The following PLEKHH3 variants were observed in gnomAD, a reference collection of about 807,000 sequenced individuals.
The protein encoded by PLEKHH3 is pleckstrin homology domain-containing family H member 3.
A neutral mutation model predicts 77.8 loss-of-function variants in PLEKHH3; 57 were observed. The observed-to-expected ratio is 0.73, with a 90% CI of 0.59 to 0.91. PLEKHH3 has a LOEUF of 0.91. Among genes scored for constraint, PLEKHH3 ranks in the 40% least tolerant of loss-of-function variants. The probability of loss-of-function intolerance (pLI) is 0.00; values close to 1 mark genes in which losing one functional copy is unlikely to be tolerated. For synonymous variants in PLEKHH3, 467 were observed against 504.8 expected, an observed-to-expected ratio of 0.93 and a Z score of 1.00; for missense variants, 1,082 against 1,091.2, an observed-to-expected ratio of 0.99 and a Z score of 0.12.
In PLEKHH3 at chr17:42,671,582, TC is replaced by T. The variant is rs767540563; in HGVS notation, c.1077-25del. ...TCCTGGGTTAGGAGGAACCCAGGGA[TC>T]AATACTCCAAGGGCTTTCTTCTCCC... On this transcript the variant is annotated intron_variant, in intron 7 of 12. Transcript: ENST00000591022. The surrounding 1 kb of genome is among the most constrained non-coding windows in gnomAD (Gnocchi z 4.7). 1.1e-5 allele frequency: 18 copies of T among 1,588,596 alleles called. 1 individual carries two copies. In the South Asian group the frequency reaches 2.0e-4, roughly 18 times the overall value.
Position 42,670,341 on chromosome 17 carries a change from T to TG in PLEKHH3, c.1589dup (p.Pro531ThrfsTer114). 7.2e-7 allele frequency: 1 copy of TG among 1,389,314 alleles called. No individual in the cohort carries two copies. The highest frequency in any genetic ancestry group is 9.3e-7 in the Non-Finnish European group (1 of 1,079,314). The allele number at this position is 1,389,314 out of a possible 1,614,324, so 86.1% of individuals were successfully genotyped here. ...CCAGGGCGCGCAGCGTGTCGTCGGG[T>TG]GGGGGCGGCCGGCCCCGCAGCAGCA... On this transcript the variant is annotated frameshift_variant, in exon 11 of 13. Transcript: ENST00000591022. LOFTEE classifies it high-confidence loss of function.
At chr17:42,673,890 G>T (rs936681163) in intron 3 of PLEKHH3, 44 bp downstream of exon 3, 4 of 1,608,910 alleles carry the variant, frequency 2.5e-6, no homozygotes, top group Admixed American at 1.7e-5. Context: ...TCCCTAGGGG[G>T]TTGGGATTGG....
At position 42,672,483 on chromosome 17, in the gene PLEKHH3, G is replaced by A. The variant is rs946694549; in HGVS notation, c.770-91C>T. The A allele has an allele frequency of 6.8e-6, 8 of 1,169,240 alleles. No homozygotes were observed. In the African/African-American group the frequency reaches 1.2e-4, roughly 18 times the overall value. 72.4% of individuals were successfully genotyped at this position (1,169,240 alleles called of 1,614,324 possible). A position where few individuals can be genotyped will look rare whatever the true frequency, so the allele number is the denominator to read the frequency against. On this transcript the variant is annotated intron_variant, in intron 6 of 12. Transcript: ENST00000591022. ...GGCATGAACCAGGGGAAGGTCAGAGGGAATATAAGGGGATGGGGTGGCAGG... is the reference window on the plus strand; with the variant it reads ...GGCATGAACCAGGGGAAGGTCAGAGAGAATATAAGGGGATGGGGTGGCAGG...
At position 42,669,834 on chromosome 17, in the gene PLEKHH3, G is replaced by T. The variant is rs537969744; in HGVS notation, c.2013+84C>A. The T allele has an allele frequency of 1.3e-5, 20 of 1,568,458 alleles. No individual in the cohort carries two copies. The African/African-American group carries it at 2.0e-4, about 16-fold the overall frequency. ...AGCTGTTCTGGATGTGGGGAATTAC[G>T]TGACACTCCGTGGGACCTGTGGCTC... On this transcript the variant is annotated intron_variant, in intron 11 of 12. Transcript: ENST00000591022.
Position 42,676,040 on chromosome 17 carries a change from G to C in PLEKHH3, c.162+362C>G. 1 of 1,119,282 alleles carries C rather than the reference G, an allele frequency of 8.9e-7. No individual in the cohort carries two copies. The highest frequency in any genetic ancestry group is 1.1e-6 in the Non-Finnish European group (1 of 914,620). 69.3% of individuals were successfully genotyped at this position (1,119,282 alleles called of 1,614,324 possible). A position where few individuals can be genotyped will look rare whatever the true frequency, so the allele number is the denominator to read the frequency against. ...AGCGGAGGGGGACCCAGGCGTTCGA[G>C]CCGCCCAGCCGGCCTCGCCACATTC... On this transcript the variant is annotated intron_variant, in intron 1 of 12. Transcript: ENST00000591022. The surrounding 1 kb of genome is among the most constrained non-coding windows in gnomAD (Gnocchi z 6.6).
At chr17:42,669,716 C>T in intron 11 of PLEKHH3, 95 bp from the exon 12 acceptor site, 3 of 1,462,458 alleles carry the variant, frequency 2.1e-6, no homozygotes, top group South Asian at 2.6e-5. Context: ...GTATCCTGAT[C>T]CCCCTATGAT....
rs766451553 is a variant in PLEKHH3, at chr17:42,671,501, T to C, written c.1134A>G (p.Lys378=). Reference sequence around the variant, plus strand: ...CTCTGCCGCGCGTCCGGCCCAGCGCTTTCCGGATGAAGCGCGCATATTCCG... The same window carrying C: ...CTCTGCCGCGCGTCCGGCCCAGCGCCTTCCGGATGAAGCGCGCATATTCCG... ...ELAEYARFIR[K]ALGRTRGREL... The change falls in exon 8 of 13, where the codon AAA becomes AAG. Residue 378 remains lysine (K), a synonymous_variant. Coordinates refer to ENST00000591022, the MANE Select transcript of PLEKHH3 (RefSeq NM_024927.5). This position sits in a 1 kb window ranked among gnomAD's most constrained non-coding sequence, Gnocchi z 4.7. The C allele has an allele frequency of 1.2e-6, 2 of 1,613,064 alleles. No homozygotes were observed. The highest frequency in any genetic ancestry group is 1.7e-5 in the Admixed American group (1 of 59,988).
At position 42,673,273 on chromosome 17, in the gene PLEKHH3, G is replaced by A. The variant is rs372844718; in HGVS notation, c.672C>T (p.Ala224=). The change falls in exon 6 of 13, where the codon GCC becomes GCT. Residue 224 remains alanine (A), a synonymous_variant. Coordinates refer to ENST00000591022, the MANE Select transcript of PLEKHH3 (RefSeq NM_024927.5). ...GGTTCCTCAGGTAAATGAGGGCAAC[G>A]GCCTCTGGGTCCCCGCAACTTTCCT... ...DIQESCGDPE[A]VALIYLRNPI... is the part of the protein sequence containing the mutation. 3 of 1,597,772 alleles carry A rather than the reference G, an allele frequency of 1.9e-6. No individual in the cohort carries two copies. The highest frequency in any genetic ancestry group is 1.1e-5 in the South Asian group (1 of 88,852).
In PLEKHH3 at chr17:42,670,561, G is replaced by A. The variant is rs1162422945; in HGVS notation, c.1554+12C>T. Reference sequence around the variant, plus strand: ...GGGTCTGTTTGGAGGCGTGAACGCCGGAGAGCCTCACCTGCTCAAAGAGGA... The same window carrying A: ...GGGTCTGTTTGGAGGCGTGAACGCCAGAGAGCCTCACCTGCTCAAAGAGGA... On this transcript the variant is annotated intron_variant, in intron 10 of 12. Transcript: ENST00000591022. The A allele has an allele frequency of 1.2e-6, 2 of 1,601,404 alleles. No individual in the cohort carries two copies. The highest frequency in any genetic ancestry group is 1.3e-5 in the African/African-American group (1 of 74,702).
Position 42,668,312 on chromosome 17 carries a change from G to C in PLEKHH3, c.2206-9C>G. 1 of 1,529,014 alleles carries C rather than the reference G, an allele frequency of 6.5e-7. No individual in the cohort carries two copies. Among genetic ancestry groups the C allele is most frequent in the Non-Finnish European group, 8.7e-7 (1 of 1,148,238 alleles). 94.7% of individuals were successfully genotyped at this position (1,529,014 alleles called of 1,614,324 possible). On this transcript the variant is annotated splice_polypyrimidine_tract_variant and intron_variant, in intron 12 of 12. Transcript: ENST00000591022. ...TGCATGATCTCTTCCACCTAAGAGA[G>C]GGCAGAGGTCAGTGTGCAACAGGGG...
intron 1 of PLEKHH3, 41 bp from the exon 2 acceptor site, chr17:42,674,450 T>C (rs1339997912): frequency 1.3e-6 from 2 of 1,532,602 alleles, no homozygotes; most frequent in Non-Finnish European, 1.8e-6. Context: ...TCAGAGCCCT[T>C]CCTGCGCAAG....
rs529935354 is a variant in PLEKHH3 at position 42,671,663 on chromosome 17, C to A, written c.1077-105G>T. 89 of 1,216,890 alleles carry A rather than the reference C, an allele frequency of 7.3e-5. No individual in the cohort carries two copies. Among genetic ancestry groups the A allele is most frequent in the Admixed American group, 1.7e-4 (7 of 40,046 alleles). The allele number at this position is 1,216,890 out of a possible 1,614,324, so 75.4% of individuals were successfully genotyped here. On this transcript the variant is annotated intron_variant, in intron 7 of 12. Transcript: ENST00000591022. The surrounding 1 kb of genome is among the most constrained non-coding windows in gnomAD (Gnocchi z 4.7). ...TATTTTATCTAGCCGATTTCCTCCC[C>A]GCCCCAACTCAAGTTCTTTGAAGGC...
intron 2 of PLEKHH3, 105 bp from the exon 3 acceptor site, chr17:42,674,118 C>A: frequency 7.8e-7 from 1 of 1,278,666 alleles, no homozygotes; most frequent in Non-Finnish European, 1.1e-6. Context: ...GCTGGGCACC[C>A]CTCCCCCAGG....
chr17:42,669,988 G>A lies in PLEKHH3; in HGVS notation c.1943C>T (p.Ala648Val). 6.2e-7 allele frequency: 1 copy of A among 1,610,040 alleles called. No homozygotes were observed. The highest frequency in any genetic ancestry group is 8.5e-7 in the Non-Finnish European group (1 of 1,179,138). The change falls in exon 11 of 13, where the codon GCC (alanine) becomes GTC (valine). Residue 648 changes from alanine (A) to valine (V), a missense_variant. Transcript: ENST00000591022. ...RGMGRAEAMAAYLALAAQCPG... is the reference protein window; with the variant it reads ...RGMGRAEAMAVYLALAAQCPG... ...ACACTGCGCCGCCAGGGCCAGGTAG[G>A]CGGCCATGGCCTCAGCTCGGCCCAT...
intron 12 of PLEKHH3, 178 bp from the exon 13 acceptor site, chr17:42,668,481 G>A (rs929487115): frequency 4.0e-5 from 20 of 502,250 alleles, no homozygotes; most frequent in Non-Finnish European, 5.8e-5. Context: ...TTTTTGAGAC[G>A]GAGTCTCGCT....
In PLEKHH3 at chr17:42,671,481, C is replaced by A; in HGVS notation, c.1154G>T (p.Gly385Val). ...CGCCAGCGAGGGCACCAGCTCTCTG[C>A]CGCGCGTCCGGCCCAGCGCTTTCCG... ...FIRKALGRTRGRELVPSLAEI... is the reference protein window; with the variant it reads ...FIRKALGRTRVRELVPSLAEI... The change falls in exon 8 of 13, where the codon GGC becomes GTC. Residue 385 changes from glycine to valine, a missense_variant. Coordinates refer to ENST00000591022, the MANE Select transcript of PLEKHH3 (RefSeq NM_024927.5). The surrounding 1 kb of genome is among the most constrained non-coding windows in gnomAD (Gnocchi z 4.7). 6.2e-7 allele frequency: 1 copy of A among 1,613,112 alleles called. No individual in the cohort carries two copies. The highest frequency in any genetic ancestry group is 8.5e-7 in the Non-Finnish European group (1 of 1,180,000).
intron 1 of PLEKHH3, chr17:42,674,737 T>A (rs1017589872): frequency 3.3e-6 from 1 of 303,358 alleles, no homozygotes; most frequent in Non-Finnish European, 6.0e-6. Flanking sequence ...CACCACTAAC[T>A]CACTGTGGAA....
intron 6 of PLEKHH3, 99 bp from the exon 7 acceptor site, chr17:42,672,491 A>G: frequency 1.1e-6 from 1 of 890,104 alleles, no homozygotes; most frequent in Non-Finnish European, 1.6e-6. Context: ...AGGGAATATA[A>G]GGGGATGGGG....
In PLEKHH3 at chr17:42,671,062, C is replaced by A; in HGVS notation, c.1353G>T (p.Gln451His). 1 of 1,609,808 alleles carries A rather than the reference C, an allele frequency of 6.2e-7. No individual in the cohort carries two copies. The highest frequency in any genetic ancestry group is 8.5e-7 in the Non-Finnish European group (1 of 1,178,352). The change falls in exon 9 of 13, where the codon CAG becomes CAT. Residue 451 changes from glutamine to histidine, a missense_variant. Gln to His is a conservative substitution (Grantham distance 24). This residue lies in a region of PLEKHH3 where 733 missense variants were observed against 750.0 expected (regional missense o/e 0.98). Transcript: ENST00000591022. The surrounding 1 kb of genome is among the most constrained non-coding windows in gnomAD (Gnocchi z 4.7). ...CCAGGGCTCGCTCCTGGGCCCCTCG[C>A]TGCTCGTACAGCGCGAATGCGTTGC... ...RSRNAFALYE[Q>H]RGAQERALAG...
Sources: gnomAD v4.1 joint callset for allele counts on GRCh38, gnomAD v4.1.1 for gene constraint, gnomAD v4.1.1 regional missense constraint, Gnocchi (gnomAD v3.1) non-coding constraint, MANE v1.5 for transcripts, NCBI Gene and HGNC (gene_info 2026-07-23, HGNC 2026-07-21) for gene names.